Variants in HVCN1 observed in about 807,000 individuals in gnomAD.
HVCN1 encodes hydrogen voltage gated channel 1.
HVCN1 carries 14 observed loss-of-function variants against 29.2 expected under a neutral mutation model. That is an observed-to-expected ratio of 0.48 (90% CI 0.32 to 0.75). The LOEUF is 0.75. Ranked by LOEUF, HVCN1 falls within the 30% of genes least tolerant of loss-of-function variation. The pLI is 0.04. For missense variants in HVCN1, 263 were observed against 341.8 expected (o/e 0.77, Z 1.82); for synonymous variants, 131 against 133.2 (o/e 0.98, Z 0.11).
intron 3 of HVCN1, among the ~76,000 whole-genome samples, chr12:110,672,446 G>C (rs1377686087): frequency 6.6e-6 from 1 of 152,196 alleles, no homozygotes; most frequent in East Asian, 1.9e-4. Flanking sequence ...CCACACCACT[G>C]TGTGGCAGGC....
chr12:110,691,723 G>A (rs2069409744), upstream of HVCN1, among the ~76,000 whole-genome samples: 1 of 152,210 alleles, frequency 6.6e-6, no homozygotes, highest in African/African-American at 2.4e-5. Context: ...AACAGACCCT[G>A]CTAAGGCAAG....
chr12:110,684,177 C>T (rs892941733), intron 2 of HVCN1, among the ~76,000 whole-genome samples: 1 of 151,890 alleles, frequency 6.6e-6, no homozygotes, highest in Non-Finnish European at 1.5e-5. Context: ...TGGGATGATG[C>T]AAATGTTCTG....
At chr12:110,664,768 A>T (rs1369457738) in intron 3 of HVCN1, among the ~76,000 whole-genome samples, 1 of 151,978 alleles carries the variant, frequency 6.6e-6, no homozygotes, top group Non-Finnish European at 1.5e-5. Flanking sequence ...AGAGGAGGAG[A>T]CCCCAAAATA....
Position 110,650,184 on chromosome 12 carries a change from A to C in HVCN1, c.740T>G (p.Phe247Cys). The change falls in exon 7 of 8, where the codon TTC becomes TGC. Residue 247 changes from phenylalanine (F) to cysteine (C), a missense_variant. Physicochemically the swap from Phe to Cys is radical, Grantham distance 205. Around this residue, in one of 3 missense-constraint regions of HVCN1, gnomAD observed 51 missense variants for 51.1 expected, o/e 1.00. Coordinates refer to ENST00000242607, the MANE Select transcript of HVCN1 (RefSeq NM_032369.4). ...CTTTCTTACCTTCTCAGAGCAGCTG[A>C]ACTCAAGGTGTTGAATCTTGGCGGC... Reference protein sequence around the residue: ...QLAAKIQHLEFSCSEKEQEIE... With the variant: ...QLAAKIQHLECSCSEKEQEIE... The C allele has an allele frequency of 6.2e-7, 1 of 1,611,196 alleles. No homozygotes were observed. The highest frequency in any genetic ancestry group is 1.3e-5 in the African/African-American group (1 of 74,962).
At chr12:110,670,081 T>C (rs2068522866) in intron 3 of HVCN1, among the ~76,000 whole-genome samples, 1 of 152,168 alleles carries the variant, frequency 6.6e-6, no homozygotes, top group Admixed American at 6.5e-5. Flanking sequence ...TCTTAGGCAC[T>C]ACTCCTTCAA....
intron 2 of HVCN1, among the ~76,000 whole-genome samples, chr12:110,686,347 TA>T (rs1169013698): frequency 6.6e-6 from 1 of 152,142 alleles, no homozygotes; most frequent in Non-Finnish European, 1.5e-5. Context: ...AAGAAAACTT[TA>T]AAGAGGTTCT....
intron 3 of HVCN1, among the ~76,000 whole-genome samples, chr12:110,669,201 G>T (rs574479007): frequency 1.3e-5 from 2 of 152,198 alleles, no homozygotes; most frequent in South Asian, 2.1e-4. Context: ...CCCAGGCCAA[G>T]AACAGAAAAT....
In HVCN1 at chr12:110,651,365, G is replaced by A. The variant is rs201614335; in HGVS notation, c.495C>T (p.Phe165=). The A allele has an allele frequency of 6.2e-7, 1 of 1,614,020 alleles. No homozygotes were observed. Among genetic ancestry groups the A allele is most frequent in the East Asian group, 2.2e-5 (1 of 44,892 alleles). The change falls in exon 6 of 8, where the codon TTC becomes TTT. Residue 165 remains phenylalanine, a synonymous_variant. Transcript: ENST00000242607. ...IFKLFVFRLE[F]FHHKFEILDA... ...CCAGGATCTCAAACTTGTGGTGAAA[G>A]AACTCCAGGCGGAAGACAAATAATT...
intron 2 of HVCN1, among the ~76,000 whole-genome samples, chr12:110,686,057 G>A (rs535755658): frequency 8.5e-5 from 13 of 152,174 alleles, no homozygotes; most frequent in Admixed American, 2.6e-4. Flanking sequence ...GGAATGCAGT[G>A]GTATGATCTC....
upstream of HVCN1, among the ~76,000 whole-genome samples, chr12:110,691,935 A>G (rs1221249305): frequency 1.3e-5 from 2 of 152,240 alleles, no homozygotes; most frequent in African/African-American, 4.8e-5. Flanking sequence ...TTTGGGAACC[A>G]GGATCCCAAA....
chr12:110,655,368 A>G (rs1431575043), intron 4 of HVCN1, 30 bp from the exon 5 acceptor site: 1 of 1,546,022 alleles, frequency 6.5e-7, no homozygotes, highest in East Asian at 2.3e-5. Context: ...GCCAGAGATC[A>G]TGAGACCCCC....
intron 3 of HVCN1, among the ~76,000 whole-genome samples, chr12:110,664,090 C>T (rs1203820795): frequency 6.6e-6 from 1 of 152,048 alleles, no homozygotes; most frequent in African/African-American, 2.4e-5. Context: ...CTAATTAAAA[C>T]AATTATTTTT....
chr12:110,662,027 C>T (rs1419815027), intron 3 of HVCN1, among the ~76,000 whole-genome samples: 1 of 152,156 alleles, frequency 6.6e-6, no homozygotes. Context: ...ACTTGCCCTA[C>T]CAGGTATCAA....
intron 2 of HVCN1, among the ~76,000 whole-genome samples, chr12:110,699,892 C>G (rs2069546203): frequency 6.6e-6 from 1 of 152,096 alleles, no homozygotes; most frequent in Non-Finnish European, 1.5e-5. Context: ...GCATGAAGTC[C>G]AGGGCTGTAA....
At chr12:110,673,955 G>A (rs968910930) in intron 3 of HVCN1, among the ~76,000 whole-genome samples, 1 of 152,238 alleles carries the variant, frequency 6.6e-6, no homozygotes, top group African/African-American at 2.4e-5. Flanking sequence ...AGAGCTGTGA[G>A]AAGAGGGCCA....
Position 110,661,234 on chromosome 12 carries a change from C to A in HVCN1, c.236G>T (p.Gly79Val), listed in dbSNP as rs2068158320. Residue 79 changes from glycine to valine, a missense_variant, in exon 4 of 8, where the codon GGC becomes GTC. Gly to Val is a moderately radical substitution (Grantham distance 109, BLOSUM62 -3). Coordinates refer to ENST00000242607, the MANE Select transcript of HVCN1 (RefSeq NM_032369.4). The surrounding 1 kb of genome is among the most constrained non-coding windows in gnomAD (Gnocchi z 6.2). Reference sequence around the variant, plus strand: ...GTCAAGGGGGGCCCTGGGTGCGGGGCCAGGGGCAGGGGCAACGTCAGGGGC... The same window carrying A: ...GTCAAGGGGGGCCCTGGGTGCGGGGACAGGGGCAGGGGCAACGTCAGGGGC... ...AAAPDVAPAP[G>V]PAPRAPLDFR... 1.9e-6 allele frequency: 3 copies of A among 1,614,048 alleles called. No homozygotes were observed. The highest frequency in any genetic ancestry group is 2.5e-6 in the Non-Finnish European group (3 of 1,179,938).
At chr12:110,690,314 C>T (rs141236766), upstream of HVCN1, among the ~76,000 whole-genome samples, 184 of 152,286 alleles carry the variant, frequency 1.2e-3, 3 homozygotes, top group East Asian at 0.029. Flanking sequence ...CTTCACATAG[C>T]CACATGTGCA....
chr12:110,655,431 G>T, intron 4 of HVCN1, 93 bp from the exon 5 acceptor site: 1 of 915,388 alleles, frequency 1.1e-6, no homozygotes. Flanking sequence ...GCACGTGGGT[G>T]AAACCACTGG....
At chr12:110,686,402 G>C (rs541746244) in intron 2 of HVCN1, among the ~76,000 whole-genome samples, 2 of 152,146 alleles carry the variant, frequency 1.3e-5, no homozygotes, top group African/African-American at 4.8e-5. Context: ...GGGACTCTTA[G>C]ACTTTCTCGC....
Sources: allele counts gnomAD v4.1 joint callset (sites outside exome capture counted in the v4.1 genomes callset), GRCh38; gene constraint gnomAD v4.1.1; regional missense constraint gnomAD v4.1.1; non-coding constraint Gnocchi (gnomAD v3.1); transcripts MANE v1.5; gene names NCBI Gene and HGNC (gene_info 2026-07-23, HGNC 2026-07-21).